CHM: variants seen among roughly 807,000 people sequenced by gnomAD.
The protein encoded by CHM is rab proteins geranylgeranyltransferase component A 1.
Under a neutral mutation model 49.0 loss-of-function variants are expected in CHM, and 10 were observed. The observed-to-expected ratio is 0.20, with a 90% confidence interval of 0.13 to 0.35. The LOEUF (loss-of-function observed/expected upper bound fraction) is 0.35, where lower values mean the gene tolerates loss of function less well. Among genes scored for constraint, CHM ranks in the 10% least tolerant of loss-of-function variants. The pLI is 1.00. For synonymous variants in CHM, 184 were observed against 167.5 expected, an observed-to-expected ratio of 1.10 and a Z score of -0.76; for missense variants, 455 against 478.4, an observed-to-expected ratio of 0.95 and a Z score of 0.46.
intron 11 of CHM, among the ~76,000 whole-genome samples, chrX:85,897,145 A>AAT (rs1925924908): frequency 1.1e-5 from 1 of 94,221 alleles, no homozygotes; most frequent in Non-Finnish European, 2.0e-5. Context: ...AAGTATATAT[A>AAT]ATATATAGCA....
At chrX:86,021,151 T>C (rs867621492) in intron 2 of CHM, among the ~76,000 whole-genome samples, 2 of 49,275 alleles carry the variant, frequency 4.1e-5, no homozygotes, top group Admixed American at 4.3e-4. Flanking sequence ...TATATATATA[T>C]ATATATACAC....
At chrX:85,879,613 T>C (rs1924635143) in intron 12 of CHM, among the ~76,000 whole-genome samples, 1 of 111,600 alleles carries the variant, frequency 9.0e-6, no homozygotes, top group Non-Finnish European at 1.9e-5. Flanking sequence ...GGGGCCTGAA[T>C]CTTGGAGAAT....
At chrX:85,894,764 T>C (rs1014522321) in intron 11 of CHM, among the ~76,000 whole-genome samples, 1 of 111,789 alleles carries the variant, frequency 8.9e-6, no homozygotes, top group Non-Finnish European at 1.9e-5. Flanking sequence ...TCAATCTGTA[T>C]TTTTCAAAGG....
intron 2 of CHM, among the ~76,000 whole-genome samples, chrX:85,986,138 C>T (rs1259248779): frequency 9.0e-6 from 1 of 111,281 alleles, no homozygotes; most frequent in African/African-American, 3.3e-5. Context: ...CCCCCGACTG[C>T]TCGCCACTAG....
chrX:85,986,173 C>G (rs756972493), intron 2 of CHM, among the ~76,000 whole-genome samples: 3 of 111,409 alleles, frequency 2.7e-5, no homozygotes, highest in Non-Finnish European at 5.7e-5. Flanking sequence ...GGGCCCAGAG[C>G]ACAGATCCTG....
intron 1 of CHM, among the ~76,000 whole-genome samples, chrX:86,041,503 AAAACTAT>A (rs1337811941): frequency 9.1e-6 from 1 of 109,415 alleles, no homozygotes; most frequent in Non-Finnish European, 1.9e-5. Flanking sequence ...ATCTGTTCCA[AAAACTAT>A]GAGGAAAACA....
intron 2 of CHM, among the ~76,000 whole-genome samples, chrX:86,005,638 T>C (rs1400125602): frequency 1.8e-5 from 2 of 112,029 alleles, no homozygotes; most frequent in Non-Finnish European, 3.8e-5. Flanking sequence ...TAAACACCTC[T>C]ACGCAAATAA....
intron 4 of CHM, chrX:85,971,225 C>T (rs1345721400): frequency 2.6e-6 from 2 of 754,979 alleles, no homozygotes; most frequent in East Asian, 3.0e-4. Flanking sequence ...GTCCTCCTTG[C>T]AATCAAATGT....
intron 13 of CHM, among the ~76,000 whole-genome samples, chrX:85,877,064 C>T (rs1924462344): frequency 9.0e-6 from 1 of 110,985 alleles, no homozygotes; most frequent in Non-Finnish European, 1.9e-5. Flanking sequence ...AAAGAAAAAA[C>T]TATGACTCCA....
At chrX:85,972,852 G>T (rs1417357940) in intron 4 of CHM, among the ~76,000 whole-genome samples, 1 of 112,481 alleles carries the variant, frequency 8.9e-6, no homozygotes, top group Non-Finnish European at 1.9e-5. Context: ...GCCAAAGTGG[G>T]AACCCAGGCA....
intron 2 of CHM, among the ~76,000 whole-genome samples, chrX:86,006,440 G>T (rs750103605): frequency 3.3e-4 from 37 of 111,704 alleles, no homozygotes; most frequent in Non-Finnish European, 4.9e-4. Flanking sequence ...AAGAAATAAA[G>T]GGTATTTAAT....
At chrX:85,917,217 G>C (rs5968716) in intron 8 of CHM, among the ~76,000 whole-genome samples, 26,550 of 110,452 alleles carry the variant, frequency 0.24, 2,374 homozygotes, top group African/African-American at 0.27. Flanking sequence ...ACTACTTGTT[G>C]TCACTTATAA....
Position 85,981,759 on chromosome X carries a change from A to G in CHM, c.167T>C (p.Leu56Ser). The G allele has an allele frequency of 4.2e-6, 5 of 1,193,638 alleles. No individual in the cohort carries two copies. Among genetic ancestry groups the G allele is most frequent in the Non-Finnish European group, 5.7e-6 (5 of 882,114 alleles). Residue 56 changes from leucine to serine, a missense_variant, in exon 3 of 15, where the codon TTG becomes TCG. Leu to Ser is a moderately radical substitution (Grantham distance 145). Coordinates refer to ENST00000357749, the MANE Select transcript of CHM (RefSeq NM_000390.4). Reference protein sequence around the residue: ...NWASFSFSGLLSWLKEYQENS... With the variant: ...NWASFSFSGLSSWLKEYQENS... ...TACCTGGTATTCCTTTAGCCAGGAC[A>G]ATAGTCCTGAAAAGCTAAAACTGGC...
intron 5 of CHM, among the ~76,000 whole-genome samples, chrX:85,960,416 C>G (rs774226353): frequency 2.6e-3 from 277 of 107,434 alleles, no homozygotes; most frequent in Non-Finnish European, 4.4e-3. Context: ...ATATCAGAAT[C>G]TAAGCCTCTT....
In CHM at chrX:86,038,731, G is replaced by A. The variant is rs1050071196; in HGVS notation, c.49+8753C>T. 6.3e-5 allele frequency among the ~76,000 whole-genome samples: 7 copies of A among 111,733 alleles called. No individual in the cohort carries two copies. In the Admixed American group the frequency reaches 6.6e-4, roughly 11 times the overall value. ...CAGTTTTAAGGGATAAACACAACCA[G>A]GTCATTCCGTTCACCTTCATCAAAA... On this transcript the variant is annotated intron_variant, in intron 1 of 14. Coordinates refer to ENST00000357749, the MANE Select transcript of CHM (RefSeq NM_000390.4).
At chrX:85,922,297 A>T (rs1239097509) in intron 8 of CHM, among the ~76,000 whole-genome samples, 1 of 112,692 alleles carries the variant, frequency 8.9e-6, no homozygotes, top group Non-Finnish European at 1.9e-5. Context: ...GTTTTCACTT[A>T]TGCTAACATT....
At chrX:85,924,281 TGAA>T (rs1480219200) in intron 8 of CHM, among the ~76,000 whole-genome samples, 1 of 111,222 alleles carries the variant, frequency 9.0e-6, no homozygotes, top group East Asian at 2.8e-4. Context: ...GCAGTGCACA[TGAA>T]GAAGTGGAGA....
intron 11 of CHM, among the ~76,000 whole-genome samples, chrX:85,898,847 A>G (rs1012143704): frequency 8.9e-6 from 1 of 112,701 alleles, no homozygotes; most frequent in Non-Finnish European, 1.9e-5. Context: ...AGATGCTATC[A>G]TAGTGACCAC....
intron 2 of CHM, among the ~76,000 whole-genome samples, chrX:86,025,351 A>T (rs1055900309): frequency 9.0e-6 from 1 of 111,450 alleles, no homozygotes; most frequent in Non-Finnish European, 1.9e-5. Context: ...TTTGATTTGT[A>T]AAATAGTCTT....
Sources: gnomAD v4.1 joint callset for allele counts (sites outside exome capture counted in the v4.1 genomes callset) on GRCh38, gnomAD v4.1.1 for gene constraint, MANE v1.5 for transcripts, NCBI Gene and HGNC (gene_info 2026-07-23, HGNC 2026-07-21) for gene names.